TEAD1: variants seen among roughly 807,000 people sequenced by gnomAD.
TEAD1 encodes the protein TEA domain transcription factor 1, also known as transcriptional enhancer factor TEF-1.
In TEAD1, 9 loss-of-function variants were observed where a neutral mutation model predicts 54.9. The observed-to-expected ratio is 0.16, with a 90% CI of 0.10 to 0.29. The LOEUF (loss-of-function observed/expected upper bound fraction) is 0.29. Ranked by LOEUF, TEAD1 falls within the 10% of genes least tolerant of loss-of-function variation. The pLI, the probability that TEAD1 is intolerant of heterozygous loss-of-function variation, is 1.00. For missense variants in TEAD1, 387 were observed against 535.9 expected (o/e 0.72, Z 2.74); for synonymous variants, 200 against 187.8 (o/e 1.07, Z -0.53).
intron 9 of TEAD1, among the ~76,000 whole-genome samples, chr11:12,887,886 C>A (rs971792010): frequency 6.6e-6 from 1 of 152,152 alleles, no homozygotes. Context: ...GTAAGTTAAA[C>A]TTTGCATTTG....
chr11:12,830,757 TGCACGCACAC>T (rs201538440), intron 3 of TEAD1, among the ~76,000 whole-genome samples: 100 of 151,046 alleles, frequency 6.6e-4, no homozygotes, highest in Admixed American at 1.1e-3. Flanking sequence ...CACACACACA[TGCACGCACAC>T]GCACATGCAC....
At chr11:12,721,100 TC>T (rs1187610517) in intron 2 of TEAD1, among the ~76,000 whole-genome samples, 1 of 152,222 alleles carries the variant, frequency 6.6e-6, no homozygotes, top group African/African-American at 2.4e-5. Context: ...GAGTCCAGAC[TC>T]TCACTTACTG....
chr11:12,889,225 A>G (rs1417322232), intron 9 of TEAD1, among the ~76,000 whole-genome samples: 1 of 152,204 alleles, frequency 6.6e-6, no homozygotes, highest in Admixed American at 6.5e-5. Context: ...GGGCTATTTA[A>G]AAGGGGCCTC....
At chr11:12,704,186 A>G (rs1205554253) in intron 2 of TEAD1, among the ~76,000 whole-genome samples, 1 of 152,108 alleles carries the variant, frequency 6.6e-6, no homozygotes, top group Non-Finnish European at 1.5e-5. Context: ...GAAGATGACG[A>G]ATGTATTAGA....
At chr11:12,724,365 A>G (rs1259599095) in intron 2 of TEAD1, among the ~76,000 whole-genome samples, 1 of 152,332 alleles carries the variant, frequency 6.6e-6, no homozygotes, top group East Asian at 1.9e-4. Context: ...GATGGATCAC[A>G]TTTTCCCTTC....
intron 2 of TEAD1, among the ~76,000 whole-genome samples, chr11:12,701,867 C>A (rs1052733880): frequency 2.0e-5 from 3 of 152,164 alleles, no homozygotes; most frequent in African/African-American, 7.2e-5. Flanking sequence ...CTGGACTACA[C>A]TGGGCATAAA....
chr11:12,841,355 CTCTG>C (rs1226838093), intron 3 of TEAD1, among the ~76,000 whole-genome samples: 4 of 152,218 alleles, frequency 2.6e-5, no homozygotes, highest in African/African-American at 4.8e-5. Flanking sequence ...TTAAGAGAGT[CTCTG>C]TCTGCTGTGA....
intron 3 of TEAD1, among the ~76,000 whole-genome samples, chr11:12,770,715 C>T (rs925564849): frequency 6.6e-6 from 1 of 152,132 alleles, no homozygotes; most frequent in Non-Finnish European, 1.5e-5. Flanking sequence ...ACAACCAAGC[C>T]AGTCAATACA....
At chr11:12,880,632 C>T (rs186321676) in intron 6 of TEAD1, among the ~76,000 whole-genome samples, 191 of 152,282 alleles carry the variant, frequency 1.3e-3, no homozygotes, top group Admixed American at 2.9e-3. Context: ...CTGCTGTTGA[C>T]GCAGAATATT....
At chr11:12,893,450 C>A (rs1034859627) in intron 9 of TEAD1, among the ~76,000 whole-genome samples, 3 of 152,166 alleles carry the variant, frequency 2.0e-5, no homozygotes, top group African/African-American at 7.2e-5. Context: ...CTGGCCACTT[C>A]CCCTGTTTCT....
chr11:12,784,016 A>C (rs1210129639), intron 3 of TEAD1, among the ~76,000 whole-genome samples: 1 of 152,156 alleles, frequency 6.6e-6, no homozygotes, highest in African/African-American at 2.4e-5. Context: ...TATCTCCCAT[A>C]AGGAGGCTGA....
At chr11:12,809,418 A>G (rs559917731) in intron 3 of TEAD1, among the ~76,000 whole-genome samples, 31 of 152,298 alleles carry the variant, frequency 2.0e-4, no homozygotes, top group South Asian at 1.7e-3. Context: ...AAGATGCTGC[A>G]TTTCACTCAT....
chr11:12,783,507 T>C (rs1205208093), intron 3 of TEAD1, among the ~76,000 whole-genome samples: 1 of 152,212 alleles, frequency 6.6e-6, no homozygotes, highest in Admixed American at 6.5e-5. Flanking sequence ...AGTGTTTTTT[T>C]CAAGGATATA....
chr11:12,829,331 C>T (rs117593910), intron 3 of TEAD1, among the ~76,000 whole-genome samples: 2 of 152,280 alleles, frequency 1.3e-5, no homozygotes, highest in East Asian at 3.9e-4. Flanking sequence ...CCAAACGTCT[C>T]CCTCCCTCTG....
intron 3 of TEAD1, among the ~76,000 whole-genome samples, chr11:12,797,560 C>CT (rs551712947): frequency 2.2e-3 from 314 of 145,596 alleles, no homozygotes; most frequent in Middle Eastern, 3.6e-3. Context: ...CTGTCCCTCT[C>CT]TTTTTTTTTT....
intron 3 of TEAD1, among the ~76,000 whole-genome samples, chr11:12,816,838 T>A (rs149663471): frequency 6.6e-6 from 1 of 152,208 alleles, no homozygotes; most frequent in Non-Finnish European, 1.5e-5. Context: ...GGGACACAGG[T>A]GATGATGGCA....
intron 3 of TEAD1, among the ~76,000 whole-genome samples, chr11:12,836,987 C>T (rs922312632): frequency 2.0e-5 from 3 of 152,148 alleles, no homozygotes; most frequent in African/African-American, 7.2e-5. Flanking sequence ...AGCCTCTAAG[C>T]GCAAGTTGAT....
chr11:12,884,799 A>G (rs1253498170), intron 9 of TEAD1, among the ~76,000 whole-genome samples: 2 of 152,204 alleles, frequency 1.3e-5, no homozygotes, highest in Admixed American at 1.3e-4. Context: ...CTGAGTGGCT[A>G]ACAGGAAGAG....
At chr11:12,898,777 A>G (rs1166851821) in intron 9 of TEAD1, among the ~76,000 whole-genome samples, 3 of 152,136 alleles carry the variant, frequency 2.0e-5, no homozygotes, top group Non-Finnish European at 4.4e-5. Context: ...TATGTTGCAA[A>G]TATTACAGGT....
Sources: allele counts gnomAD v4.1 joint callset (sites outside exome capture counted in the v4.1 genomes callset), GRCh38; gene constraint gnomAD v4.1.1; transcripts MANE v1.5; gene names NCBI Gene and HGNC (gene_info 2026-07-23, HGNC 2026-07-21).